Variants in WAPL observed in about 807,000 individuals in gnomAD.
WAPL encodes wings apart-like protein homolog.
A neutral mutation model predicts 121.0 loss-of-function variants in WAPL; 5 were observed. The ratio of observed to expected loss-of-function variants is 0.04; its 90% CI spans 0.02 to 0.09. The LOEUF is 0.09. WAPL is among the 10% of genes least tolerant of loss of function. WAPL has a pLI of 1.00. For synonymous variants in WAPL, 480 were observed against 481.5 expected (o/e 1.00, Z 0.04); for missense variants, 999 against 1,410.8 (o/e 0.71, Z 4.68).
At chr10:86,480,737 G>A (rs1168130222) in intron 4 of WAPL, among the ~76,000 whole-genome samples, 2 of 152,220 alleles carry the variant, frequency 1.3e-5, no homozygotes, top group African/African-American at 2.4e-5. Context: ...TCAACATCTT[G>A]ATGCTTGCAT....
rs1337705788 is a variant in WAPL at position 86,521,771 on chromosome 10, C to T, written c.-429G>A. 3 of 442,134 alleles carry T rather than the reference C, an allele frequency of 6.8e-6. No homozygotes were observed. Among genetic ancestry groups the T allele is most frequent in the East Asian group, 9.8e-5 (1 of 10,176 alleles). 27.4% of individuals were successfully genotyped at this position (442,134 alleles called of 1,614,324 possible). On this transcript the variant is annotated 5_prime_UTR_variant, in exon 1 of 19. Coordinates refer to ENST00000298767, the MANE Select transcript of WAPL (RefSeq NM_015045.5). Reference sequence around the variant, plus strand: ...GCTCCCGGCCCCCACCTCCTTCCTCCAACAGCCGCTCGCTCCGTCACTCCG... The same window carrying T: ...GCTCCCGGCCCCCACCTCCTTCCTCTAACAGCCGCTCGCTCCGTCACTCCG...
intron 4 of WAPL, among the ~76,000 whole-genome samples, chr10:86,480,799 C>T (rs1841765403): frequency 6.6e-6 from 1 of 152,188 alleles, no homozygotes; most frequent in Admixed American, 6.5e-5. Flanking sequence ...GTGAGGTACA[C>T]CTTCTGGGTC....
intron 12 of WAPL, among the ~76,000 whole-genome samples, chr10:86,454,889 C>T (rs1170205332): frequency 5.3e-5 from 8 of 151,436 alleles, no homozygotes; most frequent in Non-Finnish European, 1.0e-4. Context: ...CCGACCGCCA[C>T]CCCGTCTGGG....
At chr10:86,483,208 G>A (rs1409260210) in intron 4 of WAPL, among the ~76,000 whole-genome samples, 1 of 152,092 alleles carries the variant, frequency 6.6e-6, no homozygotes, top group Non-Finnish European at 1.5e-5. Flanking sequence ...ATCACCCGAG[G>A]TCGGGAGTTT....
chr10:86,453,140 C>T, intron 14 of WAPL, 80 bp downstream of exon 14: 2 of 1,156,052 alleles, frequency 1.7e-6, no homozygotes, highest in Non-Finnish European at 2.4e-6. Context: ...AGGGTTGGTT[C>T]TTAAACCCAA....
Position 86,473,959 on chromosome 10 carries a change from A to T in WAPL, c.1659T>A (p.Ala553=). 2 of 1,613,962 alleles carry T rather than the reference A, an allele frequency of 1.2e-6. No homozygotes were observed. The highest frequency in any genetic ancestry group is 1.7e-6 in the Non-Finnish European group (2 of 1,179,912). ...GATTCCAATGTCTGGCATTATATAC[A>T]GCTTTTGTGGGTGACTAGAGAAATG... The part of the protein sequence containing the change: ...FSGPKRSPTK[A]VYNARHWNHP... Residue 553 remains alanine, a synonymous_variant, in exon 5 of 19, where the codon GCT becomes GCA. Transcript: ENST00000298767.
chr10:86,512,310 C>A (rs1227430254), intron 2 of WAPL, among the ~76,000 whole-genome samples: 1 of 152,246 alleles, frequency 6.6e-6, no homozygotes, highest in East Asian at 1.9e-4. Context: ...GGCTACAAAA[C>A]CAGTCAGGCA....
At chr10:86,513,083 G>C (rs1157508806) in intron 2 of WAPL, among the ~76,000 whole-genome samples, 1 of 152,066 alleles carries the variant, frequency 6.6e-6, no homozygotes, top group Non-Finnish European at 1.5e-5. Context: ...GTCTCGCTCT[G>C]TTGCCCAAGT....
chr10:86,503,690 T>G lies in WAPL; in HGVS notation c.500-2947A>C, dbSNP rs555081620. On this transcript the variant is annotated intron_variant, in intron 2 of 18. Coordinates refer to ENST00000298767, the MANE Select transcript of WAPL (RefSeq NM_015045.5). ...ATGGCGTGAACCCGGAAGGCGGAGC[T>G]TGCAGTGAGCCAAGATCACACCACT... Among the ~76,000 whole-genome samples, 7 of 151,680 alleles carry G rather than the reference T, an allele frequency of 4.6e-5. 1 individual carries two copies. The South Asian group carries it at 1.0e-3, about 23-fold the overall frequency.
intron 4 of WAPL, among the ~76,000 whole-genome samples, chr10:86,482,371 G>T (rs1288772587): frequency 6.6e-6 from 1 of 152,178 alleles, no homozygotes; most frequent in South Asian, 2.1e-4. Flanking sequence ...ATATGTGAAG[G>T]TATATTTGTA....
At chr10:86,456,582 C>T (rs1589501562) in intron 12 of WAPL, among the ~76,000 whole-genome samples, 2 of 152,264 alleles carry the variant, frequency 1.3e-5, no homozygotes, top group South Asian at 2.1e-4. Context: ...ATATATCACA[C>T]AAAATTCTTA....
chr10:86,479,820 A>G (rs1375996559), intron 4 of WAPL, among the ~76,000 whole-genome samples: 1 of 152,142 alleles, frequency 6.6e-6, no homozygotes, highest in African/African-American at 2.4e-5. Context: ...GGGGAAGTAG[A>G]AAAAAACAAT....
At chr10:86,486,014 T>C (rs190730322) in intron 4 of WAPL, among the ~76,000 whole-genome samples, 9 of 152,354 alleles carry the variant, frequency 5.9e-5, no homozygotes, top group African/African-American at 1.9e-4. Context: ...TGTAAGTGAA[T>C]GGCAGCAGCT....
chr10:86,440,220 AAT>A (rs1849427593), intron 17 of WAPL, among the ~76,000 whole-genome samples: 3 of 152,224 alleles, frequency 2.0e-5, no homozygotes, highest in South Asian at 4.1e-4. Context: ...ACGTGACTGA[AAT>A]ATGACTAAAC....
intron 4 of WAPL, among the ~76,000 whole-genome samples, chr10:86,495,586 T>C (rs1280109606): frequency 4.6e-5 from 7 of 151,994 alleles, no homozygotes; most frequent in Admixed American, 1.3e-4. Flanking sequence ...GAAAAAAACA[T>C]AGACAAAAAT....
chr10:86,463,430 C>G (rs1841332454), intron 9 of WAPL, among the ~76,000 whole-genome samples: 1 of 152,236 alleles, frequency 6.6e-6, no homozygotes, highest in South Asian at 2.1e-4. Flanking sequence ...AGGTGGAAGA[C>G]AGTCATATTG....
At chr10:86,446,508 T>A in intron 15 of WAPL, 59 bp from the exon 16 acceptor site, 1 of 1,506,094 alleles carries the variant, frequency 6.6e-7, no homozygotes, top group Non-Finnish European at 9.0e-7. Context: ...TATGCATATA[T>A]GCAAATATAA....
Position 86,467,521 on chromosome 10 carries a change from A to G in WAPL, c.2143-15T>C. On this transcript the variant is annotated splice_polypyrimidine_tract_variant and intron_variant, in intron 8 of 18. Coordinates refer to ENST00000298767, the MANE Select transcript of WAPL (RefSeq NM_015045.5). ...AGGGACAGATTCTTCAACAGGCCAA[A>G]AAAAGAAAAGAAAAAAAACTTCATG... 2 of 1,578,108 alleles carry G rather than the reference A, an allele frequency of 1.3e-6. No individual in the cohort carries two copies. Among genetic ancestry groups the G allele is most frequent in the Non-Finnish European group, 1.7e-6 (2 of 1,165,882 alleles).
rs1192759652 is a variant in WAPL, at chr10:86,442,222, TG to T, written c.3411+1052del. 2.0e-5 allele frequency among the ~76,000 whole-genome samples: 3 copies of T among 152,242 alleles called. No homozygotes were observed. In the East Asian group the frequency reaches 5.8e-4, roughly 29 times the overall value. ...AATTTTTATATTTTTAGTAGAGACA[TG>T]GTTCTGCCATGTTGGCAAGGCTGGT... On this transcript the variant is annotated intron_variant, in intron 17 of 18. Coordinates refer to ENST00000298767, the MANE Select transcript of WAPL (RefSeq NM_015045.5).
Sources: gnomAD v4.1 joint callset for allele counts (sites outside exome capture counted in the v4.1 genomes callset) on GRCh38, gnomAD v4.1.1 for gene constraint, MANE v1.5 for transcripts, NCBI Gene and HGNC (gene_info 2026-07-23, HGNC 2026-07-21) for gene names.